TP53BP1: variants seen among roughly 807,000 people sequenced by gnomAD.
TP53BP1 encodes the protein TP53-binding protein 1.
In TP53BP1, 61 loss-of-function variants were observed where a neutral mutation model predicts 200.8. The ratio of observed to expected loss-of-function variants is 0.30; its 90% CI spans 0.25 to 0.38. The LOEUF (loss-of-function observed/expected upper bound fraction) is 0.38. Among genes scored for constraint, TP53BP1 ranks in the 10% least tolerant of loss-of-function variants. TP53BP1 has a pLI of 1.00. For synonymous variants in TP53BP1, 822 were observed against 844.3 expected, an observed-to-expected ratio of 0.97 and a Z score of 0.46; for missense variants, 2,144 against 2,371.9, an observed-to-expected ratio of 0.90 and a Z score of 2.00.
At chr15:43,435,217 C>T (rs1176071210) in intron 16 of TP53BP1, among the ~76,000 whole-genome samples, 11 of 146,010 alleles carry the variant, frequency 7.5e-5, no homozygotes, top group Non-Finnish European at 1.6e-4. Flanking sequence ...GAGCCAAGAT[C>T]GCCCTACTGC....
rs151132652 is a variant in TP53BP1, at chr15:43,428,089, C to T, written c.3755G>A (p.Arg1252His). ...HRHMRTIREV[R>H]TLVTRVITDV... is the part of the protein sequence containing the mutation. ...TGTAATGACACGAGTGACAAGTGTG[C>T]GTACTTCCCGGATTGTTCTCATGTG... Residue 1252 changes from arginine (R) to histidine (H), a missense_variant, in exon 18 of 28, where the codon CGC becomes CAC. Transcript: ENST00000382044. 1.9e-5 allele frequency: 31 copies of T among 1,612,570 alleles called. No individual in the cohort carries two copies. Among genetic ancestry groups the T allele is most frequent in the African/African-American group, 2.7e-5 (2 of 74,856 alleles).
At position 43,489,105 on chromosome 15, in the gene TP53BP1, A is replaced by G. The variant is rs546304244; in HGVS notation, c.371+2564T>C. Among the ~76,000 whole-genome samples the G allele has an allele frequency of 2.6e-5, 4 of 152,326 alleles. No individual in the cohort carries two copies. In the South Asian group the frequency reaches 8.3e-4, roughly 32 times the overall value. ...ATTTATTGTTTAGATTGTATTCCAC[A>G]AAGAGGTGTCCCCTTATCCTTCTGA... On this transcript the variant is annotated intron_variant, in intron 4 of 27. Transcript: ENST00000382044.
In TP53BP1 at chr15:43,403,320, G is replaced by C. The variant is rs2044736058; in HGVS notation, c.*4063C>G. 5.6e-6 allele frequency: 1 copy of C among 179,706 alleles called. No individual in the cohort carries two copies. The highest frequency in any genetic ancestry group is 2.4e-5 in the African/African-American group (1 of 42,296). The allele number at this position is 179,706 out of a possible 1,614,324, so 11.1% of individuals were successfully genotyped here. On this transcript the variant is annotated 3_prime_UTR_variant, in exon 28 of 28. Coordinates refer to ENST00000382044, the MANE Select transcript of TP53BP1 (RefSeq NM_001141980.3). ...TGGGGAAGGGAGTGCTTCACTGAGA[G>C]AGTGGGACTTGAACTGGTATTAAAA...
At chr15:43,457,479 A>C (rs1291868378) in intron 11 of TP53BP1, among the ~76,000 whole-genome samples, 1 of 151,908 alleles carries the variant, frequency 6.6e-6, no homozygotes, top group African/African-American at 2.4e-5. Context: ...ATGTGCTAGC[A>C]TTCAACACGG....
At chr15:43,510,598 A>T (rs1229944135) in exon 1 of TP53BP1, 1 of 217,876 alleles carries the variant, frequency 4.6e-6, no homozygotes, top group African/African-American at 2.3e-5. Flanking sequence ...GCAGAGAGGG[A>T]CAAGATGGCT....
intron 5 of TP53BP1, 43 bp downstream of exon 5, chr15:43,480,852 G>C: frequency 6.2e-7 from 1 of 1,603,244 alleles, no homozygotes; most frequent in East Asian, 2.2e-5. Context: ...ATGTTAAAGG[G>C]AAGTTAGAAC....
chr15:43,416,448 T>C (rs752919731), intron 21 of TP53BP1, 32 bp from the exon 22 acceptor site: 1 of 1,605,970 alleles, frequency 6.2e-7, no homozygotes, highest in Non-Finnish European at 8.5e-7. Flanking sequence ...AGAAGCTTGC[T>C]GTTGTCTTAG....
chr15:43,460,236 T>C (rs1468546762), intron 11 of TP53BP1, among the ~76,000 whole-genome samples: 1 of 152,152 alleles, frequency 6.6e-6, no homozygotes, highest in Non-Finnish European at 1.5e-5. Flanking sequence ...CATAGATGGT[T>C]AGGCATTCAT....
chr15:43,482,461 C>T lies in TP53BP1; in HGVS notation c.372-1439G>A, dbSNP rs145132017. 2.2e-4 allele frequency among the ~76,000 whole-genome samples: 33 copies of T among 151,784 alleles called. No homozygotes were observed. In the East Asian group the frequency reaches 5.9e-3, roughly 27 times the overall value. ...CAGCACGGCCAACATGGTGCAACCC[C>T]GTCTCTACTAAAAATACAAAAATTA... On this transcript the variant is annotated intron_variant, in intron 4 of 27. Coordinates refer to ENST00000382044, the MANE Select transcript of TP53BP1 (RefSeq NM_001141980.3).
intron 4 of TP53BP1, among the ~76,000 whole-genome samples, chr15:43,482,072 C>CA (rs1378026269): frequency 1.4e-5 from 2 of 148,118 alleles, no homozygotes; most frequent in South Asian, 4.3e-4. Context: ...CTAAAAAATA[C>CA]AAAAAAATTA....
At chr15:43,508,284 C>T (rs143865153) in intron 1 of TP53BP1, among the ~76,000 whole-genome samples, 55 of 152,246 alleles carry the variant, frequency 3.6e-4, no homozygotes, top group Middle Eastern at 3.4e-3. Flanking sequence ...CGCTTGAACC[C>T]GGGAGGCAGA....
chr15:43,473,088 G>A (rs1002851389), intron 10 of TP53BP1, among the ~76,000 whole-genome samples: 12 of 152,106 alleles, frequency 7.9e-5, no homozygotes, highest in Non-Finnish European at 1.3e-4. Context: ...AGAGTTGTTC[G>A]TTCCTCCCAG....
Position 43,438,407 on chromosome 15 carries a change from C to T in TP53BP1, c.3108G>A (p.Lys1036=). Residue 1036 remains lysine, a synonymous_variant, in exon 16 of 28, where the codon AAG becomes AAA. Coordinates refer to ENST00000382044, the MANE Select transcript of TP53BP1 (RefSeq NM_001141980.3). ...AGATACAGCTCAACACAGACATGGT[C>T]TTCTGGGGACTAAGACAATATATTA... ...AVAESVASPQ[K]TMSVLSCICE... is the part of the protein sequence containing the mutation. 1 of 1,611,366 alleles carries T rather than the reference C, an allele frequency of 6.2e-7. No homozygotes were observed.
Position 43,456,407 on chromosome 15 carries a change from T to A in TP53BP1, c.2201A>T (p.Gln734Leu), listed in dbSNP as rs201510011. ...TTCTTGGTCAAGTATTGCCAACTTTTGAGGGGAATCAATACTAATCACACT... is the reference window on the plus strand; with the variant it reads ...TTCTTGGTCAAGTATTGCCAACTTTAGAGGGGAATCAATACTAATCACACT... ...ETSVISIDSP[Q>L]KLAILDQELE... Residue 734 changes from glutamine to leucine, a missense_variant, in exon 12 of 28, where the codon CAA (glutamine) becomes CTA (leucine). By Grantham distance (113) the Gln-to-Leu change is moderately radical. This residue lies in a region of TP53BP1 where 1,700 missense variants were observed against 1,710.3 expected (regional missense o/e 0.99). Transcript: ENST00000382044. The A allele has an allele frequency of 1.6e-5, 26 of 1,597,552 alleles. No individual in the cohort carries two copies. Among genetic ancestry groups the A allele is most frequent in the Non-Finnish European group, 2.2e-5 (26 of 1,174,424 alleles).
intron 7 of TP53BP1, among the ~76,000 whole-genome samples, chr15:43,478,701 C>G (rs958897322): frequency 6.6e-6 from 1 of 152,160 alleles, no homozygotes; most frequent in Non-Finnish European, 1.5e-5. Context: ...CCATAAAATA[C>G]CAGATGCAGG....
chr15:43,503,170 C>T (rs186116638), intron 1 of TP53BP1, among the ~76,000 whole-genome samples: 56 of 152,356 alleles, frequency 3.7e-4, no homozygotes, highest in African/African-American at 1.3e-3. Flanking sequence ...TGCGCGCATG[C>T]GCGGGTGTGT....
intron 11 of TP53BP1, among the ~76,000 whole-genome samples, chr15:43,467,788 CTT>C (rs11384031): frequency 2.6e-4 from 37 of 142,988 alleles, no homozygotes; most frequent in Admixed American, 4.2e-4. Context: ...TTCTTAAACT[CTT>C]TTTTTTTTTT....
At chr15:43,440,587 C>G (rs961102608) in intron 15 of TP53BP1, among the ~76,000 whole-genome samples, 9 of 151,884 alleles carry the variant, frequency 5.9e-5, no homozygotes, top group African/African-American at 2.2e-4. Context: ...CCCGCCTAGC[C>G]TCTAATTTAA....
rs1197882015 is a variant in TP53BP1 at position 43,446,543 on chromosome 15, A to G, written c.2884T>C (p.Ser962Pro). Residue 962 changes from serine (S) to proline (P), a missense_variant, in exon 14 of 28, where the codon TCT becomes CCT. Ser to Pro is a moderately conservative substitution (Grantham distance 74, BLOSUM62 -1). Transcript: ENST00000382044. ...TCATGGGTCTCCACCATGCTTTCAG[A>G]CATGACATCACTGGTTGCTATGGTG... ...ESTIATSDVM[S>P]ESMVETHDPI... 2 of 1,614,172 alleles carry G rather than the reference A, an allele frequency of 1.2e-6. No individual in the cohort carries two copies. Among genetic ancestry groups the G allele is most frequent in the Admixed American group, 3.3e-5 (2 of 60,028 alleles).
Sources: allele counts gnomAD v4.1 joint callset (sites outside exome capture counted in the v4.1 genomes callset), GRCh38; gene constraint gnomAD v4.1.1; regional missense constraint gnomAD v4.1.1; transcripts MANE v1.5; gene names NCBI Gene and HGNC (gene_info 2026-07-23, HGNC 2026-07-21).